The following ADAM11 variants were observed in gnomAD, a reference collection of about 807,000 sequenced individuals.
ADAM11 encodes disintegrin and metalloproteinase domain-containing protein 11.
A neutral mutation model predicts 119.1 loss-of-function variants in ADAM11; 49 were observed. That is an observed-to-expected ratio of 0.41 (90% CI 0.33 to 0.52). The LOEUF is 0.52. ADAM11 is among the 20% of genes least tolerant of loss of function. The pLI, the probability that ADAM11 is intolerant of heterozygous loss-of-function variation, is 0.20. For missense variants in ADAM11, 777 were observed against 1,047.5 expected, an observed-to-expected ratio of 0.74 and a Z score of 3.56; for synonymous variants, 364 against 408.0, an observed-to-expected ratio of 0.89 and a Z score of 1.30.
intron 25 of ADAM11, 110 bp downstream of exon 25, chr17:44,778,352 A>C: frequency 1.7e-4 from 197 of 1,128,224 alleles, no homozygotes; most frequent in Non-Finnish European, 2.2e-4. Context: ...ACCAGAGCTC[A>C]CACGTCATAG....
At chr17:44,764,074 G>A (rs1355391539) in intron 2 of ADAM11, among the ~76,000 whole-genome samples, 1 of 152,128 alleles carries the variant, frequency 6.6e-6, no homozygotes, top group Non-Finnish European at 1.5e-5. Context: ...CCTGCCCCTG[G>A]GGAGACCCAG....
In ADAM11 at chr17:44,775,042, G is replaced by C. The variant is rs998873412; in HGVS notation, c.1221-170G>C. On this transcript the variant is annotated intron_variant, in intron 14 of 26. Coordinates refer to ENST00000200557, the MANE Select transcript of ADAM11 (RefSeq NM_002390.6). The surrounding 1 kb of genome is among the most constrained non-coding windows in gnomAD (Gnocchi z 7.5). Reference sequence around the variant, plus strand: ...GCGAGTCCCCAGGTTCAGCGGAGGGGATGGGAGCGACAGGGACAGGCGGGA... The same window carrying C: ...GCGAGTCCCCAGGTTCAGCGGAGGGCATGGGAGCGACAGGGACAGGCGGGA... 2.0e-5 allele frequency among the ~76,000 whole-genome samples: 3 copies of C among 152,248 alleles called. No individual in the cohort carries two copies. The highest frequency in any genetic ancestry group is 7.2e-5 in the African/African-American group (3 of 41,476).
intron 1 of ADAM11, 58 bp downstream of exon 1, chr17:44,759,318 G>A: frequency 7.5e-7 from 1 of 1,337,132 alleles, no homozygotes; most frequent in South Asian, 1.8e-5. Flanking sequence ...CGGGATGTGC[G>A]GCGCTTGCTG....
In ADAM11 at chr17:44,776,438, C is replaced by T. The variant is rs934197199; in HGVS notation, c.1566+231C>T. 6.6e-6 allele frequency among the ~76,000 whole-genome samples: 1 copy of T among 152,160 alleles called. No individual in the cohort carries two copies. Among genetic ancestry groups the T allele is most frequent in the Non-Finnish European group, 1.5e-5 (1 of 68,028 alleles). On this transcript the variant is annotated intron_variant, in intron 18 of 26. Transcript: ENST00000200557. The surrounding 1 kb of genome is among the most constrained non-coding windows in gnomAD (Gnocchi z 5.2). ...TCTGGCTGGTATTCCCAGCGCCTGG[C>T]CCGGTGCCTGGTGTAGGTTAGGGAT...
Position 44,776,106 on chromosome 17 carries a change from A to G in ADAM11, c.1486-21A>G. On this transcript the variant is annotated intron_variant, in intron 17 of 26. Transcript: ENST00000200557. This position sits in a 1 kb window ranked among gnomAD's most constrained non-coding sequence, Gnocchi z 5.2. ...CGAGGCATCCATCCTGCCTGACTCG[A>G]GGAGCGCGTCTCTTCCCTAGTACGA... 1 of 1,613,110 alleles carries G rather than the reference A, an allele frequency of 6.2e-7. No homozygotes were observed. Among genetic ancestry groups the G allele is most frequent in the East Asian group, 2.2e-5 (1 of 44,864 alleles).
chr17:44,776,809 C>T lies in ADAM11; in HGVS notation c.1617+14C>T, dbSNP rs1222860734. The T allele has an allele frequency of 1.9e-6, 3 of 1,614,040 alleles. No individual in the cohort carries two copies. Among genetic ancestry groups the T allele is most frequent in the Non-Finnish European group, 2.5e-6 (3 of 1,180,006 alleles). ...GACCATGAGCAGGTATGATGGCTGC[C>T]CCCTGAGCCTGGGATTCAGGGCAGT... On this transcript the variant is annotated intron_variant, in intron 19 of 26. Coordinates refer to ENST00000200557, the MANE Select transcript of ADAM11 (RefSeq NM_002390.6). The surrounding 1 kb of genome is among the most constrained non-coding windows in gnomAD (Gnocchi z 5.2).
chr17:44,765,467 G>T (rs562641722), intron 2 of ADAM11, among the ~76,000 whole-genome samples: 1 of 152,128 alleles, frequency 6.6e-6, no homozygotes, highest in Non-Finnish European at 1.5e-5. Flanking sequence ...CAAAGGAGTC[G>T]TTTATGCAGT....
intron 26 of ADAM11, 136 bp downstream of exon 26, chr17:44,779,375 C>T (rs2049659824): frequency 1.4e-6 from 2 of 1,459,090 alleles, no homozygotes; most frequent in South Asian, 1.5e-5. Flanking sequence ...CCCCTGCTGC[C>T]AGGCTGTCCC....
intron 25 of ADAM11, 67 bp from the exon 26 acceptor site, chr17:44,779,155 T>C: frequency 6.4e-7 from 1 of 1,558,040 alleles, no homozygotes; most frequent in Non-Finnish European, 8.6e-7. Context: ...CAAAGGCCCC[T>C]CCCTGAGAGA....
chr17:44,759,287 G>GC, intron 1 of ADAM11, 27 bp downstream of exon 1: 2 of 1,363,662 alleles, frequency 1.5e-6, no homozygotes, highest in South Asian at 3.3e-5. Flanking sequence ...CGGCCCCGGC[G>GC]CCCCCTCCCT....
Position 44,776,824 on chromosome 17 carries a change from T to A in ADAM11, c.1617+29T>A. 6.2e-7 allele frequency: 1 copy of A among 1,613,988 alleles called. No individual in the cohort carries two copies. Among genetic ancestry groups the A allele is most frequent in the East Asian group, 2.2e-5 (1 of 44,882 alleles). ...TGATGGCTGCCCCCTGAGCCTGGGA[T>A]TCAGGGCAGTCTCTTGTCTCCACTC... On this transcript the variant is annotated intron_variant, in intron 19 of 26. Coordinates refer to ENST00000200557, the MANE Select transcript of ADAM11 (RefSeq NM_002390.6). This position sits in a 1 kb window ranked among gnomAD's most constrained non-coding sequence, Gnocchi z 5.2.
chr17:44,774,953 G>A (rs1489205730), intron 14 of ADAM11, among the ~76,000 whole-genome samples: 1 of 152,358 alleles, frequency 6.6e-6, no homozygotes, highest in African/African-American at 2.4e-5. Context: ...AGGCTGCAGT[G>A]CGCATCGTGG....
chr17:44,780,114 C>G lies in ADAM11; in HGVS notation c.*360C>G. ...CCAGTGGACCTAGCCTGGATGGCCC[C>G]TCCTTGCAACCAGGCAGCTGAGACC... On this transcript the variant is annotated 3_prime_UTR_variant, in exon 27 of 27. Coordinates refer to ENST00000200557, the MANE Select transcript of ADAM11 (RefSeq NM_002390.6). 1 of 623,228 alleles carries G rather than the reference C, an allele frequency of 1.6e-6. No individual in the cohort carries two copies. 38.6% of individuals were successfully genotyped at this position (623,228 alleles called of 1,614,324 possible). A position where few individuals can be genotyped will look rare whatever the true frequency, so the allele number is the denominator to read the frequency against.
rs769371037 is a variant in ADAM11 at position 44,780,208 on chromosome 17, T to C, written c.*454T>C. The C allele has an allele frequency of 6.5e-6, 3 of 459,482 alleles. No individual in the cohort carries two copies. Among genetic ancestry groups the C allele is most frequent in the Non-Finnish European group, 1.3e-5 (3 of 235,354 alleles). 28.5% of individuals were successfully genotyped at this position (459,482 alleles called of 1,614,324 possible). A position where few individuals can be genotyped will look rare whatever the true frequency, so the allele number is the denominator to read the frequency against. On this transcript the variant is annotated 3_prime_UTR_variant, in exon 27 of 27. Coordinates refer to ENST00000200557, the MANE Select transcript of ADAM11 (RefSeq NM_002390.6). ...TACATTTTTTAAAACTGAATCTTAA[T>C]CGATGAATGTAAACTCGGGGGTGCT...
intron 26 of ADAM11, 36 bp from the exon 27 acceptor site, chr17:44,779,703 C>T: frequency 1.3e-6 from 2 of 1,579,574 alleles, no homozygotes; most frequent in Non-Finnish European, 1.7e-6. Context: ...GTGGCCCCTG[C>T]TCACGTCCTC....
At position 44,772,788 on chromosome 17, in the gene ADAM11, T is replaced by C. The variant is rs1359220909; in HGVS notation, c.679-69T>C. On this transcript the variant is annotated intron_variant, in intron 8 of 26. Coordinates refer to ENST00000200557, the MANE Select transcript of ADAM11 (RefSeq NM_002390.6). This position sits in a 1 kb window ranked among gnomAD's most constrained non-coding sequence, Gnocchi z 4.5. Reference sequence around the variant, plus strand: ...GACCCCCCCATCCCCACCGAGTCTGTTCCTGGCTTGGCCATGAGATCAGTC... The same window carrying C: ...GACCCCCCCATCCCCACCGAGTCTGCTCCTGGCTTGGCCATGAGATCAGTC... 3.4e-6 allele frequency: 5 copies of C among 1,458,902 alleles called. 1 individual carries two copies. Among genetic ancestry groups the C allele is most frequent in the East Asian group, 4.6e-5 (2 of 43,854 alleles). The allele number at this position is 1,458,902 out of a possible 1,614,324, so 90.4% of individuals were successfully genotyped here.
chr17:44,763,747 C>T (rs367806349), intron 2 of ADAM11, among the ~76,000 whole-genome samples: 2 of 151,724 alleles, frequency 1.3e-5, no homozygotes, highest in East Asian at 1.9e-4. Flanking sequence ...GACAGAGTCT[C>T]ACTCTGTCAC....
In ADAM11 at chr17:44,767,354, CAAAAAAAAAAA is replaced by C. The variant is rs72428475; in HGVS notation, c.238-2351_238-2341del. 1.2e-4 allele frequency among the ~76,000 whole-genome samples: 7 copies of C among 56,924 alleles called. No homozygotes were observed. In the East Asian group the frequency reaches 2.3e-3, roughly 19 times the overall value. 37.3% of individuals were successfully genotyped at this position (56,924 alleles called of 152,430 possible). A position where few individuals can be genotyped will look rare whatever the true frequency, so the allele number is the denominator to read the frequency against. Reference sequence around the variant, plus strand: ...TGGGTGATAGAGTGAGACTCCATCTCAAAAAAAAAAAAAAAAAAAAAAAGAACATTGGCCTA... The same window carrying C: ...TGGGTGATAGAGTGAGACTCCATCTCAAAAAAAAAAAAGAACATTGGCCTA... On this transcript the variant is annotated intron_variant, in intron 2 of 26. Coordinates refer to ENST00000200557, the MANE Select transcript of ADAM11 (RefSeq NM_002390.6).
chr17:44,759,166 C>A lies in ADAM11; in HGVS notation c.-34C>A. ...CCCGCCCTCCCCGCGCCGCTGGCAG[C>A]CGCAGCCCCCGGACCGGGAGGAATG... On this transcript the variant is annotated 5_prime_UTR_variant, in exon 1 of 27. Transcript: ENST00000200557. The A allele has an allele frequency of 1.6e-6, 2 of 1,260,772 alleles. No homozygotes were observed. Among genetic ancestry groups the A allele is most frequent in the South Asian group, 2.3e-5 (1 of 42,658 alleles). 78.1% of individuals were successfully genotyped at this position (1,260,772 alleles called of 1,614,324 possible).
Sources: allele counts gnomAD v4.1 joint callset (sites outside exome capture counted in the v4.1 genomes callset), GRCh38; gene constraint gnomAD v4.1.1; non-coding constraint Gnocchi (gnomAD v3.1); transcripts MANE v1.5; gene names NCBI Gene and HGNC (gene_info 2026-07-23, HGNC 2026-07-21).